Variants in FAM53B observed in about 807,000 individuals in gnomAD.
FAM53B encodes family with sequence similarity 53 member B, also known as protein FAM53B.
FAM53B carries 12 observed loss-of-function variants against 32.7 expected under a neutral mutation model. The observed-to-expected ratio is 0.37, with a 90% CI of 0.24 to 0.59. The LOEUF (loss-of-function observed/expected upper bound fraction) is 0.59, where lower values mean the gene tolerates loss of function less well. Among genes scored for constraint, FAM53B ranks in the 20% least tolerant of loss-of-function variants. FAM53B has a pLI of 0.72. For missense variants in FAM53B, 477 were observed against 577.7 expected, an observed-to-expected ratio of 0.83 and a Z score of 1.79; for synonymous variants, 234 against 228.7, an observed-to-expected ratio of 1.02 and a Z score of -0.21.
intron 4 of FAM53B, among the ~76,000 whole-genome samples, chr10:124,677,744 T>A (rs1271716333): frequency 2.0e-5 from 3 of 152,132 alleles, no homozygotes; most frequent in Admixed American, 6.6e-5. Context: ...GTGTGTCTCA[T>A]CCCCGACAGA....
intron 4 of FAM53B, among the ~76,000 whole-genome samples, chr10:124,669,231 G>A (rs1003279543): frequency 7.2e-5 from 11 of 152,368 alleles, no homozygotes; most frequent in African/African-American, 4.8e-5. Context: ...GGGATGTAAC[G>A]CGCACTGTCC....
At chr10:124,668,783 T>C (rs11245326) in intron 4 of FAM53B, among the ~76,000 whole-genome samples, 69,292 of 152,236 alleles carry the variant, frequency 0.46, 17,645 homozygotes, top group Non-Finnish European at 0.59. Context: ...CGGAGCACGG[T>C]ACGGCACAGC....
chr10:124,697,730 C>G (rs956281547), intron 2 of FAM53B, among the ~76,000 whole-genome samples: 2 of 152,036 alleles, frequency 1.3e-5, no homozygotes, highest in Non-Finnish European at 2.9e-5. Flanking sequence ...TTGATGAGGA[C>G]CACAGGAGCT....
intron 4 of FAM53B, among the ~76,000 whole-genome samples, chr10:124,648,471 C>T (rs192352567): frequency 6.6e-6 from 1 of 152,218 alleles, no homozygotes; most frequent in South Asian, 2.1e-4. Context: ...CATCTCCCCG[C>T]TCCTTGGGAG....
At chr10:124,626,186 G>A (rs547285400) in intron 4 of FAM53B, among the ~76,000 whole-genome samples, 24 of 152,360 alleles carry the variant, frequency 1.6e-4, no homozygotes, top group Non-Finnish European at 2.4e-4. Flanking sequence ...CTGTGGCCTC[G>A]CACGTGAACG....
chr10:124,657,060 G>GTA (rs58992450), intron 4 of FAM53B, among the ~76,000 whole-genome samples: 86 of 77,410 alleles, frequency 1.1e-3, no homozygotes, highest in East Asian at 8.1e-3. Flanking sequence ...ATGTATATAT[G>GTA]TATATATATA....
intron 4 of FAM53B, among the ~76,000 whole-genome samples, chr10:124,664,000 G>A (rs1390648517): frequency 2.0e-5 from 3 of 152,070 alleles, no homozygotes; most frequent in Non-Finnish European, 2.9e-5. Flanking sequence ...AGCTAACACC[G>A]TGCCAGGCCC....
chr10:124,711,433 G>T (rs1201545595), intron 1 of FAM53B, among the ~76,000 whole-genome samples: 1 of 152,014 alleles, frequency 6.6e-6, no homozygotes, highest in African/African-American at 2.4e-5. Context: ...TTGTGATGCT[G>T]CATTAGTTTG....
At chr10:124,728,102 C>T (rs1293357085) in intron 1 of FAM53B, among the ~76,000 whole-genome samples, 2 of 152,194 alleles carry the variant, frequency 1.3e-5, no homozygotes, top group East Asian at 3.9e-4. Flanking sequence ...TCTCCATGGA[C>T]TCGCTTGGCT....
rs531208698 is a variant in FAM53B, at chr10:124,727,082, G to A, written c.-175+16931C>T. Among the ~76,000 whole-genome samples, 115 of 152,232 alleles carry A rather than the reference G, an allele frequency of 7.6e-4. 2 individuals are homozygous for A. In the South Asian group the frequency reaches 0.01, roughly 14 times the overall value. ...CACCCAGGCTGGAGTGCAGTGGCAC[G>A]ATCTTGGCTCACTGCAACGTCCGCC... On this transcript the variant is annotated intron_variant, in intron 1 of 4. Transcript: ENST00000337318.
chr10:124,678,248 A>T (rs910318072), intron 4 of FAM53B, among the ~76,000 whole-genome samples: 1 of 152,246 alleles, frequency 6.6e-6, no homozygotes, highest in African/African-American at 2.4e-5. Flanking sequence ...GACGATGATC[A>T]TAAGTATCTG....
At chr10:124,672,056 C>A (rs1231644900) in intron 4 of FAM53B, among the ~76,000 whole-genome samples, 7 of 152,210 alleles carry the variant, frequency 4.6e-5, no homozygotes, top group African/African-American at 1.4e-4. Context: ...CATAAATGGG[C>A]TCCTGTCAGC....
chr10:124,661,757 G>A (rs1386957911), intron 4 of FAM53B, among the ~76,000 whole-genome samples: 7 of 152,222 alleles, frequency 4.6e-5, no homozygotes, highest in African/African-American at 1.2e-4. Context: ...GACACTGCTC[G>A]TTGTCCCCAC....
intron 4 of FAM53B, among the ~76,000 whole-genome samples, chr10:124,647,082 T>C (rs934624138): frequency 1.3e-5 from 2 of 152,128 alleles, no homozygotes; most frequent in Non-Finnish European, 2.9e-5. Flanking sequence ...GCAGGACTGG[T>C]GAGCGGCACA....
intron 4 of FAM53B, among the ~76,000 whole-genome samples, chr10:124,640,310 G>A (rs577721299): frequency 5.9e-5 from 9 of 152,324 alleles, no homozygotes; most frequent in Admixed American, 1.3e-4. Context: ...ACAGCTCTGC[G>A]CGGCAGGTTG....
chr10:124,652,771 T>C (rs549097967), intron 4 of FAM53B, among the ~76,000 whole-genome samples: 1 of 152,186 alleles, frequency 6.6e-6, no homozygotes, highest in Admixed American at 6.5e-5. Context: ...CTTCCTTCAA[T>C]ATGGAAGGTA....
At chr10:124,633,271 A>T (rs931291942) in intron 4 of FAM53B, among the ~76,000 whole-genome samples, 3 of 152,020 alleles carry the variant, frequency 2.0e-5, no homozygotes, top group African/African-American at 7.3e-5. Context: ...AACTTTAAAG[A>T]ACAGAAAAGC....
intron 4 of FAM53B, among the ~76,000 whole-genome samples, chr10:124,650,242 ACTCT>A (rs1001916902): frequency 7.2e-5 from 11 of 152,082 alleles, no homozygotes; most frequent in African/African-American, 2.4e-4. Flanking sequence ...CCAAGGAAGG[ACTCT>A]CTATCGGTTG....
intron 4 of FAM53B, among the ~76,000 whole-genome samples, chr10:124,648,447 A>G (rs1949534368): frequency 6.6e-6 from 1 of 152,246 alleles, no homozygotes; most frequent in Admixed American, 6.5e-5. Context: ...ACCACCTGCC[A>G]TAACATCATC....
Sources: gnomAD v4.1 joint callset for allele counts (sites outside exome capture counted in the v4.1 genomes callset) on GRCh38, gnomAD v4.1.1 for gene constraint, MANE v1.5 for transcripts, NCBI Gene and HGNC (gene_info 2026-07-23, HGNC 2026-07-21) for gene names.